ARHGAP15: variants seen among roughly 807,000 people sequenced by gnomAD.
ARHGAP15 encodes rho GTPase-activating protein 15.
In ARHGAP15, 51 loss-of-function variants were observed where a neutral mutation model predicts 63.7. The ratio of observed to expected loss-of-function variants is 0.80; its 90% CI spans 0.64 to 1.01. ARHGAP15 has a LOEUF of 1.01. Among genes scored for constraint, ARHGAP15 ranks in the 50% least tolerant of loss-of-function variants. ARHGAP15 has a pLI of 0.00. For missense variants in ARHGAP15, 560 were observed against 564.6 expected, an observed-to-expected ratio of 0.99 and a Z score of 0.08; for synonymous variants, 191 against 193.8, an observed-to-expected ratio of 0.99 and a Z score of 0.12.
intron 8 of ARHGAP15, among the ~76,000 whole-genome samples, chr2:143,475,884 C>A (rs1691792357): frequency 1.3e-5 from 2 of 152,210 alleles, no homozygotes; most frequent in Admixed American, 6.5e-5. Context: ...CATTTGCCAG[C>A]CTCCTATGCA....
chr2:143,558,806 A>G (rs1695909739), intron 11 of ARHGAP15, among the ~76,000 whole-genome samples: 1 of 152,158 alleles, frequency 6.6e-6, no homozygotes, highest in Non-Finnish European at 1.5e-5. Context: ...ACTTGGGTTG[A>G]ACCAGTTTTT....
intron 6 of ARHGAP15, among the ~76,000 whole-genome samples, chr2:143,257,878 C>A (rs1680505926): frequency 6.6e-6 from 1 of 152,086 alleles, no homozygotes; most frequent in African/African-American, 2.4e-5. Flanking sequence ...ATTTTAATCT[C>A]ATTTATAAAG....
chr2:143,163,202 A>G (rs116240390), intron 2 of ARHGAP15, among the ~76,000 whole-genome samples: 122 of 152,046 alleles, frequency 8.0e-4, no homozygotes, highest in Non-Finnish European at 1.6e-3. Context: ...GAGAAACAGA[A>G]CAGCAAACAC....
chr2:143,456,971 A>C (rs1042759176), intron 8 of ARHGAP15, among the ~76,000 whole-genome samples: 2 of 152,040 alleles, frequency 1.3e-5, no homozygotes, highest in East Asian at 3.8e-4. Flanking sequence ...AATAAAAATT[A>C]AACTAGCATT....
chr2:143,637,428 C>T (rs977407320), intron 12 of ARHGAP15, among the ~76,000 whole-genome samples: 2 of 151,976 alleles, frequency 1.3e-5, no homozygotes, highest in African/African-American at 2.4e-5. Flanking sequence ...GAAATGTGCA[C>T]ACCATCTTGT....
chr2:143,379,485 ATATG>A (rs755101278), intron 6 of ARHGAP15, among the ~76,000 whole-genome samples: 8,131 of 89,622 alleles, frequency 0.091, 120 homozygotes, highest in Non-Finnish European at 0.12. Context: ...TTAGGCATAT[ATATG>A]TGTGTGTGTG....
intron 6 of ARHGAP15, among the ~76,000 whole-genome samples, chr2:143,284,483 C>A (rs1228699640): frequency 6.6e-6 from 1 of 152,048 alleles, no homozygotes; most frequent in Non-Finnish European, 1.5e-5. Flanking sequence ...GTGACCACTA[C>A]GAAATCAGCT....
chr2:143,575,567 A>T (rs1696646869), intron 11 of ARHGAP15, among the ~76,000 whole-genome samples: 1 of 152,126 alleles, frequency 6.6e-6, no homozygotes, highest in Non-Finnish European at 1.5e-5. Flanking sequence ...TACTGTAAGG[A>T]CAGCATGGTG....
At chr2:143,239,572 C>G (rs1241974295) in intron 5 of ARHGAP15, among the ~76,000 whole-genome samples, 2 of 152,140 alleles carry the variant, frequency 1.3e-5, no homozygotes, top group Non-Finnish European at 2.9e-5. Context: ...GAACTATTAA[C>G]TTTTCCAAAC....
At chr2:143,763,792 T>C (rs1559166105) in intron 13 of ARHGAP15, among the ~76,000 whole-genome samples, 1 of 147,902 alleles carries the variant, frequency 6.8e-6, no homozygotes, top group Admixed American at 6.8e-5. Flanking sequence ...ATAAATTTTA[T>C]GTATATATTT....
chr2:143,667,582 T>TAAAAAAAAAAAA (rs71338146), intron 12 of ARHGAP15, among the ~76,000 whole-genome samples: 2 of 138,938 alleles, frequency 1.4e-5, no homozygotes, highest in African/African-American at 5.7e-5. Context: ...TAAAAAAAAT[T>TAAAAAAAAAAAA]AAAAAAAAAA....
chr2:143,152,802 G>A (rs1689878372), intron 1 of ARHGAP15, among the ~76,000 whole-genome samples: 1 of 151,972 alleles, frequency 6.6e-6, no homozygotes, highest in South Asian at 2.1e-4. Context: ...AACAAACTTA[G>A]TGGAGGGGGT....
At chr2:143,495,500 C>G (rs991496640) in intron 9 of ARHGAP15, among the ~76,000 whole-genome samples, 2 of 152,146 alleles carry the variant, frequency 1.3e-5, no homozygotes, top group African/African-American at 4.8e-5. Context: ...CATGCAACTG[C>G]TGGAACATTT....
At chr2:143,313,777 A>G (rs907427106) in intron 6 of ARHGAP15, among the ~76,000 whole-genome samples, 5 of 152,068 alleles carry the variant, frequency 3.3e-5, no homozygotes, top group African/African-American at 9.7e-5. Flanking sequence ...CTGTAGCCAC[A>G]TTGTCGTTTC....
At chr2:143,547,215 T>C (rs1695370315) in intron 10 of ARHGAP15, among the ~76,000 whole-genome samples, 1 of 152,136 alleles carries the variant, frequency 6.6e-6, no homozygotes, top group Non-Finnish European at 1.5e-5. Context: ...TAGAGAGATA[T>C]GTAAGAATGA....
chr2:143,567,431 G>A (rs1301521410), intron 11 of ARHGAP15, among the ~76,000 whole-genome samples: 4 of 152,156 alleles, frequency 2.6e-5, no homozygotes, highest in Non-Finnish European at 5.9e-5. Flanking sequence ...ATACAGCCCC[G>A]AAAAGAATAT....
At chr2:143,702,058 T>C (rs1684113300) in intron 12 of ARHGAP15, among the ~76,000 whole-genome samples, 1 of 152,192 alleles carries the variant, frequency 6.6e-6, no homozygotes, top group Non-Finnish European at 1.5e-5. Flanking sequence ...GGGATTGTCT[T>C]GCTAAGGAAG....
intron 7 of ARHGAP15, 75 bp downstream of exon 7, chr2:143,435,774 C>T: frequency 2.2e-6 from 3 of 1,373,906 alleles, no homozygotes; most frequent in South Asian, 2.6e-5. Flanking sequence ...AGGCATATAA[C>T]ACACACACTC....
intron 6 of ARHGAP15, among the ~76,000 whole-genome samples, chr2:143,281,293 A>G (rs540362899): frequency 2.2e-4 from 34 of 152,288 alleles, no homozygotes; most frequent in African/African-American, 6.7e-4. Context: ...TATACATAGG[A>G]AGGACAGTAA....
Sources: gnomAD v4.1 joint callset for allele counts (sites outside exome capture counted in the v4.1 genomes callset) on GRCh38, gnomAD v4.1.1 for gene constraint, MANE v1.5 for transcripts, NCBI Gene and HGNC (gene_info 2026-07-23, HGNC 2026-07-21) for gene names.